The following WWOX variants were observed in gnomAD, a reference collection of about 807,000 sequenced individuals.
WWOX encodes the protein WW domain-containing oxidoreductase.
In WWOX, 69 loss-of-function variants were observed where a neutral mutation model predicts 46.2. The observed-to-expected ratio is 1.49, with a 90% CI of 1.23 to 1.82. The LOEUF (loss-of-function observed/expected upper bound fraction) is 1.82, where lower values mean the gene tolerates loss of function less well. WWOX is among the 40% of genes most tolerant of loss of function. WWOX has a pLI of 0.00. For missense variants in WWOX, 919 were observed against 542.6 expected, an observed-to-expected ratio of 1.69 and a Z score of -6.89; for synonymous variants, 359 against 202.6, an observed-to-expected ratio of 1.77 and a Z score of -6.56.
intron 8 of WWOX, among the ~76,000 whole-genome samples, chr16:78,858,330 A>ATGTGTGTG (rs34753254): frequency 1.5e-4 from 22 of 149,816 alleles, no homozygotes; most frequent in African/African-American, 1.2e-4. Flanking sequence ...ATATATATAT[A>ATGTGTGTG]TGTGTGTGTG....
chr16:78,490,471 C>A (rs937113576), intron 8 of WWOX, among the ~76,000 whole-genome samples: 2 of 152,100 alleles, frequency 1.3e-5, no homozygotes, highest in African/African-American at 4.8e-5. Flanking sequence ...TGTTGTAGTT[C>A]CCGCAAATCT....
Position 78,408,982 on chromosome 16 carries a change from G to A in WWOX, c.606-15888G>A, listed in dbSNP as rs75732973. The stretch of plus-strand genomic sequence containing the variant: ...ACAGATGAGAGCCAGCTTGGAGATG[G>A]GCTGTAGCTCAAGCATCTTACCTAC... On this transcript the variant is annotated intron_variant, in intron 6 of 8. Coordinates refer to ENST00000566780, the MANE Select transcript of WWOX (RefSeq NM_016373.4). 6.6e-3 allele frequency among the ~76,000 whole-genome samples: 999 copies of A among 152,234 alleles called. 20 individuals carry two copies. The East Asian group carries it at 0.087, about 13-fold the overall frequency.
At chr16:78,353,426 C>G (rs575971441) in intron 5 of WWOX, among the ~76,000 whole-genome samples, 2 of 152,148 alleles carry the variant, frequency 1.3e-5, no homozygotes, top group Admixed American at 6.5e-5. Context: ...AGACAGTTCA[C>G]CAAATCTATC....
At chr16:78,406,762 G>A (rs550669998) in intron 6 of WWOX, among the ~76,000 whole-genome samples, 1 of 151,958 alleles carries the variant, frequency 6.6e-6, no homozygotes, top group Non-Finnish European at 1.5e-5. Flanking sequence ...CAGTAGCTGG[G>A]ATTACAGTCG....
chr16:78,649,514 C>T (rs569545195), intron 8 of WWOX, among the ~76,000 whole-genome samples: 8 of 151,776 alleles, frequency 5.3e-5, no homozygotes, highest in East Asian at 3.9e-4. Context: ...TGGCCTCAAG[C>T]GATCCTCCTG....
chr16:78,193,205 A>G (rs903352555), intron 5 of WWOX, among the ~76,000 whole-genome samples: 7 of 152,234 alleles, frequency 4.6e-5, no homozygotes, highest in Non-Finnish European at 8.8e-5. Context: ...GCCAAGACCA[A>G]TGTATTCTGC....
chr16:78,600,380 C>T (rs1422638501), intron 8 of WWOX, among the ~76,000 whole-genome samples: 3 of 152,062 alleles, frequency 2.0e-5, no homozygotes, highest in Non-Finnish European at 4.4e-5. Flanking sequence ...CGGAAACAGC[C>T]CCCCAGCTCC....
chr16:79,207,487 C>G (rs898290185), intron 8 of WWOX, among the ~76,000 whole-genome samples: 4 of 152,224 alleles, frequency 2.6e-5, no homozygotes, highest in Non-Finnish European at 1.5e-5. Context: ...CCTTTCATAA[C>G]TCTACTTTTT....
intron 8 of WWOX, among the ~76,000 whole-genome samples, chr16:78,735,217 C>T (rs915972705): frequency 6.6e-6 from 1 of 152,064 alleles, no homozygotes; most frequent in Non-Finnish European, 1.5e-5. Context: ...ATCAGCATTT[C>T]TTGTGTTTTG....
chr16:78,372,938 A>G (rs760149699), intron 5 of WWOX, among the ~76,000 whole-genome samples: 4 of 152,180 alleles, frequency 2.6e-5, no homozygotes, highest in African/African-American at 7.2e-5. Context: ...TTAATCTGAT[A>G]TATGCTACTG....
chr16:78,971,129 A>G (rs566375028), intron 8 of WWOX, among the ~76,000 whole-genome samples: 9 of 152,162 alleles, frequency 5.9e-5, no homozygotes, highest in East Asian at 3.9e-4. Context: ...AGTGTGAGCC[A>G]TATGCTTTAT....
chr16:78,649,458 A>G (rs564428375), intron 8 of WWOX, among the ~76,000 whole-genome samples: 1 of 151,626 alleles, frequency 6.6e-6, no homozygotes, highest in Non-Finnish European at 1.5e-5. Flanking sequence ...TGTTGAAAAA[A>G]AAATGGTGGG....
chr16:78,523,242 C>G (rs572674304), intron 8 of WWOX, among the ~76,000 whole-genome samples: 2 of 152,138 alleles, frequency 1.3e-5, no homozygotes, highest in East Asian at 1.9e-4. Context: ...ACCAAAGGAC[C>G]TAAATAAAAT....
intron 8 of WWOX, among the ~76,000 whole-genome samples, chr16:79,125,714 C>G (rs929171649): frequency 3.3e-5 from 5 of 152,224 alleles, no homozygotes; most frequent in African/African-American, 4.8e-5. Flanking sequence ...TTGTGAATCC[C>G]TGATCTGGAG....
chr16:79,059,517 G>T (rs2048322574), intron 8 of WWOX, among the ~76,000 whole-genome samples: 1 of 152,164 alleles, frequency 6.6e-6, no homozygotes, highest in South Asian at 2.1e-4. Context: ...TTGAGATGGA[G>T]TCTTGCCCTG....
intron 8 of WWOX, among the ~76,000 whole-genome samples, chr16:78,477,980 A>C (rs961753641): frequency 6.6e-6 from 1 of 152,226 alleles, no homozygotes; most frequent in Non-Finnish European, 1.5e-5. Flanking sequence ...TAAAAGCTGC[A>C]ATAGGTTTTT....
intron 4 of WWOX, among the ~76,000 whole-genome samples, chr16:78,158,201 C>G (rs2034668203): frequency 6.6e-6 from 1 of 152,170 alleles, no homozygotes; most frequent in Non-Finnish European, 1.5e-5. Context: ...CTTTACTAGG[C>G]TCTTTCACAT....
intron 8 of WWOX, among the ~76,000 whole-genome samples, chr16:78,908,788 T>C (rs887545616): frequency 6.6e-6 from 1 of 152,168 alleles, no homozygotes; most frequent in Non-Finnish European, 1.5e-5. Flanking sequence ...AGTCAATTTA[T>C]TGACCTGGGT....
At chr16:78,782,054 G>C (rs762589887) in intron 8 of WWOX, among the ~76,000 whole-genome samples, 14 of 152,098 alleles carry the variant, frequency 9.2e-5, no homozygotes, top group Non-Finnish European at 1.9e-4. Flanking sequence ...TCTGTCTTTG[G>C]AAGGGTAGGT....
Sources: gnomAD v4.1 joint callset for allele counts (sites outside exome capture counted in the v4.1 genomes callset) on GRCh38, gnomAD v4.1.1 for gene constraint, MANE v1.5 for transcripts, NCBI Gene and HGNC (gene_info 2026-07-23, HGNC 2026-07-21) for gene names.